The following MYO5B variants were observed in gnomAD, a reference collection of about 807,000 sequenced individuals.
MYO5B encodes unconventional myosin-Vb.
Under a neutral mutation model 229.3 loss-of-function variants are expected in MYO5B, and 143 were observed. The ratio of observed to expected loss-of-function variants is 0.62; its 90% CI spans 0.54 to 0.72. The LOEUF (loss-of-function observed/expected upper bound fraction) is 0.72, where lower values mean the gene tolerates loss of function less well. Ranked by LOEUF, MYO5B falls within the 30% of genes least tolerant of loss-of-function variation. MYO5B has a pLI of 0.00. For missense variants in MYO5B, 2,321 were observed against 2,331.0 expected, an observed-to-expected ratio of 1.00 and a Z score of 0.09; for synonymous variants, 918 against 885.2, an observed-to-expected ratio of 1.04 and a Z score of -0.66.
At chr18:49,896,900 C>T (rs957706809) in intron 21 of MYO5B, among the ~76,000 whole-genome samples, 2 of 152,144 alleles carry the variant, frequency 1.3e-5, no homozygotes, top group African/African-American at 4.8e-5. Flanking sequence ...CCTTTCTGTG[C>T]CCCAGTGTCC....
intron 18 of MYO5B, among the ~76,000 whole-genome samples, chr18:49,908,253 A>G (rs760095598): frequency 9.9e-5 from 15 of 152,130 alleles, no homozygotes; most frequent in Non-Finnish European, 2.1e-4. Flanking sequence ...CATCAGCCTC[A>G]TCTCCATACT....
At chr18:50,090,244 G>T (rs1649674851) in intron 1 of MYO5B, among the ~76,000 whole-genome samples, 1 of 151,490 alleles carries the variant, frequency 6.6e-6, no homozygotes, top group African/African-American at 2.4e-5. Context: ...AGGGGAAGCT[G>T]AGGCAGGAGG....
At chr18:49,972,336 C>T (rs1378581164) in intron 10 of MYO5B, among the ~76,000 whole-genome samples, 4 of 152,162 alleles carry the variant, frequency 2.6e-5, no homozygotes, top group South Asian at 2.1e-4. Flanking sequence ...AGCAGCCCCA[C>T]GAGCCCAGCT....
intron 7 of MYO5B, among the ~76,000 whole-genome samples, chr18:49,987,734 AAAG>A (rs2025886091): frequency 6.6e-6 from 1 of 152,152 alleles, no homozygotes; most frequent in Admixed American, 6.5e-5. Flanking sequence ...CGGAAATGAA[AAAG>A]AAGAAAAGGA....
chr18:50,020,339 G>C (rs769995163), intron 4 of MYO5B, among the ~76,000 whole-genome samples: 1 of 152,212 alleles, frequency 6.6e-6, no homozygotes, highest in Non-Finnish European at 1.5e-5. Context: ...GCCTGGAACA[G>C]TCCCTCAACT....
chr18:50,025,965 T>C (rs567121342), intron 4 of MYO5B, among the ~76,000 whole-genome samples: 104 of 152,364 alleles, frequency 6.8e-4, no homozygotes, highest in African/African-American at 2.4e-3. Flanking sequence ...CTGTACTATA[T>C]TATGCATAGT....
At chr18:49,922,716 G>A (rs1568032140) in intron 17 of MYO5B, among the ~76,000 whole-genome samples, 2 of 151,848 alleles carry the variant, frequency 1.3e-5, no homozygotes, top group East Asian at 3.9e-4. Flanking sequence ...TTAGAGAACA[G>A]TTCCTGTGAT....
intron 1 of MYO5B, among the ~76,000 whole-genome samples, chr18:50,148,943 T>G (rs1599058039): frequency 6.6e-6 from 1 of 152,256 alleles, no homozygotes; most frequent in African/African-American, 2.4e-5. Flanking sequence ...CCCCACTGTC[T>G]CAGCCCAAAA....
intron 1 of MYO5B, among the ~76,000 whole-genome samples, chr18:50,086,068 TAATA>T (rs2031322674): frequency 6.6e-6 from 1 of 152,014 alleles, no homozygotes; most frequent in African/African-American, 2.4e-5. Context: ...AGTATAATAA[TAATA>T]AAATTTAAAA....
intron 2 of MYO5B, among the ~76,000 whole-genome samples, chr18:50,044,352 G>A (rs2030160532): frequency 1.3e-5 from 2 of 152,126 alleles, no homozygotes; most frequent in African/African-American, 4.8e-5. Context: ...ACATCTAAGT[G>A]TTTATGACTT....
intron 16 of MYO5B, among the ~76,000 whole-genome samples, chr18:49,934,949 A>G (rs976462075): frequency 2.0e-5 from 3 of 152,230 alleles, no homozygotes; most frequent in Non-Finnish European, 4.4e-5. Context: ...TGGGGAAGGA[A>G]AGATGGGAAT....
intron 1 of MYO5B, among the ~76,000 whole-genome samples, chr18:50,127,415 C>T (rs563282785): frequency 3.9e-5 from 6 of 152,268 alleles, no homozygotes; most frequent in South Asian, 4.1e-4. Flanking sequence ...TACTGAGCAC[C>T]TACAACAGAT....
intron 14 of MYO5B, among the ~76,000 whole-genome samples, chr18:49,948,681 G>A (rs572143282): frequency 1.3e-5 from 2 of 152,318 alleles, no homozygotes; most frequent in Non-Finnish European, 1.5e-5. Flanking sequence ...CAAGGTGTGT[G>A]TATATAACCT....
chr18:49,932,384 C>T (rs1010835807), intron 16 of MYO5B, among the ~76,000 whole-genome samples: 4 of 152,210 alleles, frequency 2.6e-5, no homozygotes, highest in African/African-American at 9.6e-5. Flanking sequence ...GCACCTGGCA[C>T]AGAGTTTTTG....
At chr18:50,015,339 G>T (rs1008461277) in intron 4 of MYO5B, among the ~76,000 whole-genome samples, 24 of 152,086 alleles carry the variant, frequency 1.6e-4, no homozygotes, top group Non-Finnish European at 2.8e-4. Flanking sequence ...CACTCCTTTG[G>T]CTGGGTAATG....
At chr18:49,922,917 G>A (rs749452714) in intron 17 of MYO5B, among the ~76,000 whole-genome samples, 5 of 152,190 alleles carry the variant, frequency 3.3e-5, no homozygotes, top group South Asian at 2.1e-4. Context: ...CTGGCAGCTC[G>A]GATTCGCAGC....
chr18:49,922,654 G>A (rs1411429392), intron 17 of MYO5B, among the ~76,000 whole-genome samples: 2 of 151,954 alleles, frequency 1.3e-5, no homozygotes, highest in African/African-American at 4.8e-5. Flanking sequence ...AATGCCAGGA[G>A]GATAAGGAAG....
At chr18:49,858,434 T>C (rs2024288435) in intron 29 of MYO5B, among the ~76,000 whole-genome samples, 1 of 152,126 alleles carries the variant, frequency 6.6e-6, no homozygotes, top group Non-Finnish European at 1.5e-5. Flanking sequence ...CCCACCTCCT[T>C]TCCCACACCA....
chr18:50,080,820 C>A (rs186757001), intron 1 of MYO5B, among the ~76,000 whole-genome samples: 1 of 152,220 alleles, frequency 6.6e-6, no homozygotes, highest in African/African-American at 2.4e-5. Flanking sequence ...GGGGCACGGC[C>A]CTTCCATCCA....
Sources: allele counts gnomAD v4.1 joint callset (sites outside exome capture counted in the v4.1 genomes callset), GRCh38; gene constraint gnomAD v4.1.1; transcripts MANE v1.5; gene names NCBI Gene and HGNC (gene_info 2026-07-23, HGNC 2026-07-21).